The following CRISP1 variants were observed in gnomAD, a reference collection of about 807,000 sequenced individuals.
The protein encoded by CRISP1 is cysteine-rich secretory protein 1.
CRISP1 carries 44 observed loss-of-function variants against 33.1 expected under a neutral mutation model. That is an observed-to-expected ratio of 1.33 (90% CI 1.05 to 1.71). The LOEUF (loss-of-function observed/expected upper bound fraction) is 1.71. Among genes scored for constraint, CRISP1 ranks in the 40% most tolerant of loss-of-function variants. The pLI is 0.00. For synonymous variants in CRISP1, 103 were observed against 98.7 expected, an observed-to-expected ratio of 1.04 and a Z score of -0.26; for missense variants, 390 against 301.2, an observed-to-expected ratio of 1.29 and a Z score of -2.18.
chr6:49,835,948 C>T (rs544460195), intron 7 of CRISP1, among the ~76,000 whole-genome samples: 72 of 152,298 alleles, frequency 4.7e-4, no homozygotes, highest in African/African-American at 1.6e-3. Context: ...TGATTTTTCT[C>T]ACCTTGCTCT....
At chr6:49,863,476 A>G (rs1326570429) in intron 1 of CRISP1, among the ~76,000 whole-genome samples, 1 of 152,232 alleles carries the variant, frequency 6.6e-6, no homozygotes, top group Non-Finnish European at 1.5e-5. Context: ...CCTTCTTAAC[A>G]CAATTATTTT....
chr6:49,840,841 A>G, intron 6 of CRISP1, 57 bp downstream of exon 6: 1 of 1,373,790 alleles, frequency 7.3e-7, no homozygotes, highest in Non-Finnish European at 1.0e-6. Flanking sequence ...CAATGTTTGA[A>G]AAACTAGATT....
chr6:49,873,633 G>A (rs1158111252), intron 1 of CRISP1, among the ~76,000 whole-genome samples: 2 of 151,960 alleles, frequency 1.3e-5, no homozygotes, highest in African/African-American at 2.4e-5. Context: ...AAGGAACAGA[G>A]TTATTTATAG....
intron 1 of CRISP1, among the ~76,000 whole-genome samples, chr6:49,873,746 T>A (rs907572769): frequency 6.6e-6 from 1 of 151,386 alleles, no homozygotes. Flanking sequence ...TTATTAGCAA[T>A]AGTAGATAAA....
At chr6:49,852,658 A>G (rs1416072610) in intron 2 of CRISP1, among the ~76,000 whole-genome samples, 3 of 152,220 alleles carry the variant, frequency 2.0e-5, no homozygotes, top group Admixed American at 1.3e-4. Context: ...CTTACTGTTC[A>G]TATGAGAAAA....
At chr6:49,843,447 G>A (rs9473674) in intron 5 of CRISP1, among the ~76,000 whole-genome samples, 53,094 of 151,926 alleles carry the variant, frequency 0.35, 9,930 homozygotes, top group Non-Finnish European at 0.42. Flanking sequence ...TTTAGATTTT[G>A]TGTAACTTAC....
rs563681841 is a variant in CRISP1 at position 49,864,032 on chromosome 6, C to G, written c.-3+2397G>C. 3.6e-4 allele frequency among the ~76,000 whole-genome samples: 55 copies of G among 152,228 alleles called. 1 individual carries two copies. Among genetic ancestry groups the G allele is most frequent in the Admixed American group, 9.2e-4 (14 of 15,274 alleles). Reference sequence around the variant, plus strand: ...CAATATATAGATGATTTCCAACACCCAGGAAGGTCACTTGCACCCCTTTCA... The same window carrying G: ...CAATATATAGATGATTTCCAACACCGAGGAAGGTCACTTGCACCCCTTTCA... On this transcript the variant is annotated intron_variant, in intron 1 of 7. Transcript: ENST00000335847.
intron 1 of CRISP1, among the ~76,000 whole-genome samples, chr6:49,873,203 AG>A (rs1334032610): frequency 6.6e-6 from 1 of 152,024 alleles, no homozygotes; most frequent in African/African-American, 2.4e-5. Flanking sequence ...TAAAATAAAA[AG>A]GGATAAGCCA....
chr6:49,852,619 A>T (rs1479372306), intron 2 of CRISP1, among the ~76,000 whole-genome samples: 1 of 152,196 alleles, frequency 6.6e-6, no homozygotes, highest in Non-Finnish European at 1.5e-5. Context: ...ACAAAGTTGC[A>T]AGTGTTATTA....
intron 1 of CRISP1, among the ~76,000 whole-genome samples, chr6:49,875,785 AC>A (rs1335878905): frequency 6.6e-6 from 1 of 152,176 alleles, no homozygotes; most frequent in African/African-American, 2.4e-5. Context: ...CCTGACAAAA[AC>A]AAGCGATGGG....
chr6:49,876,690 A>G (rs922811104), intron 1 of CRISP1, among the ~76,000 whole-genome samples: 8 of 152,140 alleles, frequency 5.3e-5, no homozygotes, highest in Admixed American at 2.0e-4. Context: ...TACACCATGG[A>G]ACACTATGTA....
chr6:49,873,077 G>A (rs1213354873), intron 1 of CRISP1, among the ~76,000 whole-genome samples: 1 of 151,808 alleles, frequency 6.6e-6, no homozygotes, highest in Non-Finnish European at 1.5e-5. Flanking sequence ...GTTAAATGAC[G>A]AGTTACTTGG....
rs1362184410 is a variant in CRISP1 at position 49,834,642 on chromosome 6, T to A, written c.*674A>T. On this transcript the variant is annotated 3_prime_UTR_variant, in exon 8 of 8. Coordinates refer to ENST00000335847, the MANE Select transcript of CRISP1 (RefSeq NM_001131.3). ...ATTTTATATATCTTTTATACTGCCT[T>A]TGCAATGAAATGAAACTATATTCCT... 1 of 152,296 alleles carries A rather than the reference T, an allele frequency of 6.6e-6. No individual in the cohort carries two copies. The highest frequency in any genetic ancestry group is 1.5e-5 in the Non-Finnish European group (1 of 68,018). The allele number at this position is 152,296 out of a possible 1,614,324, so 9.4% of individuals were successfully genotyped here. A position where few individuals can be genotyped will look rare whatever the true frequency, so the allele number is the denominator to read the frequency against.
intron 2 of CRISP1, among the ~76,000 whole-genome samples, chr6:49,852,639 C>A (rs1040721994): frequency 6.6e-6 from 1 of 152,136 alleles, no homozygotes; most frequent in East Asian, 1.9e-4. Flanking sequence ...AACACAAATT[C>A]TATGTCTTCT....
upstream of CRISP1, among the ~76,000 whole-genome samples, chr6:49,867,185 G>A (rs952443125): frequency 1.3e-5 from 2 of 152,080 alleles, no homozygotes; most frequent in African/African-American, 2.4e-5. Context: ...GTCACATGAT[G>A]AGAAATATCA....
intron 5 of CRISP1, among the ~76,000 whole-genome samples, chr6:49,845,094 C>T (rs762894999): frequency 6.6e-5 from 10 of 152,200 alleles, no homozygotes; most frequent in African/African-American, 2.2e-4. Context: ...CCCCAAAATT[C>T]GTATTCTGTA....
chr6:49,861,385 T>C (rs1771649002), intron 1 of CRISP1, among the ~76,000 whole-genome samples: 1 of 152,128 alleles, frequency 6.6e-6, no homozygotes, highest in Non-Finnish European at 1.5e-5. Context: ...ATGTAAGATA[T>C]AATGCACCAT....
In CRISP1 at chr6:49,860,825, AT is replaced by A. The variant is rs145391473; in HGVS notation, c.-2-3424del. Among the ~76,000 whole-genome samples, 498 of 152,168 alleles carry A rather than the reference AT, an allele frequency of 3.3e-3. 3 individuals are homozygous for A. The highest frequency in any genetic ancestry group is 0.011 in the African/African-American group (473 of 41,560). ...ATATACAAAGGATAAAAAAATGTTG[AT>A]TTTTTGAAAATATAAACAAGACCAA... On this transcript the variant is annotated intron_variant, in intron 1 of 7. Coordinates refer to ENST00000335847, the MANE Select transcript of CRISP1 (RefSeq NM_001131.3).
At chr6:49,865,692 G>A (rs1475997139) in intron 1 of CRISP1, among the ~76,000 whole-genome samples, 2 of 152,132 alleles carry the variant, frequency 1.3e-5, no homozygotes, top group Non-Finnish European at 2.9e-5. Flanking sequence ...AACTGGAAAG[G>A]GAGTGAGGGA....
Sources: allele counts gnomAD v4.1 joint callset (sites outside exome capture counted in the v4.1 genomes callset), GRCh38; gene constraint gnomAD v4.1.1; transcripts MANE v1.5; gene names NCBI Gene and HGNC (gene_info 2026-07-23, HGNC 2026-07-21).